The following SHPRH variants were observed in gnomAD, a reference collection of about 807,000 sequenced individuals.
SHPRH encodes SNF2 histone linker PHD RING helicase, also known as E3 ubiquitin-protein ligase SHPRH.
In SHPRH, 106 loss-of-function variants were observed where a neutral mutation model predicts 202.5. The observed-to-expected ratio is 0.52, with a 90% CI of 0.45 to 0.62. SHPRH has a LOEUF of 0.62. SHPRH is among the 20% of genes least tolerant of loss of function. SHPRH has a pLI of 0.00. For synonymous variants in SHPRH, 729 were observed against 686.0 expected, an observed-to-expected ratio of 1.06 and a Z score of -0.98; for missense variants, 1,710 against 2,020.0, an observed-to-expected ratio of 0.85 and a Z score of 2.94.
At chr6:145,915,278 T>A (rs944514726) in intron 23 of SHPRH, among the ~76,000 whole-genome samples, 5 of 151,104 alleles carry the variant, frequency 3.3e-5, no homozygotes, top group Admixed American at 1.3e-4. Flanking sequence ...GCTACTGACA[T>A]ATATTTTAGT....
intron 14 of SHPRH, 93 bp downstream of exon 14, chr6:145,932,964 T>TTTC: frequency 5.2e-6 from 6 of 1,150,334 alleles, no homozygotes; most frequent in Non-Finnish European, 7.2e-6. Flanking sequence ...GGGGGAAAAA[T>TTTC]CCCCCCCCCA....
Position 145,933,066 on chromosome 6 carries a change from T to C in SHPRH, c.3103A>G (p.Ile1035Val), listed in dbSNP as rs990375926. Residue 1035 changes from isoleucine (I) to valine (V), a missense_variant, in exon 14 of 30, where the codon ATT (isoleucine) becomes GTT (valine). By Grantham distance (29) the Ile-to-Val change is conservative. This residue lies in a region of SHPRH where 288 missense variants were observed against 317.8 expected (regional missense o/e 0.91). Coordinates refer to ENST00000275233, the MANE Select transcript of SHPRH (RefSeq NM_001042683.3). ...CALNGLAGIH[I>V]IKGEYALAAE... ...AGCAATCACCTTCTACCTTTAATAA[T>C]ATGAATGCCTGCTAAGCCATTGAGA... The C allele has an allele frequency of 1.9e-6, 3 of 1,613,706 alleles. No individual in the cohort carries two copies. Among genetic ancestry groups the C allele is most frequent in the South Asian group, 1.1e-5 (1 of 91,052 alleles).
chr6:145,951,732 T>G, intron 3 of SHPRH: 1 of 451,026 alleles, frequency 2.2e-6, no homozygotes. Context: ...GAAACTGATT[T>G]TCAAATACTC....
Position 145,918,233 on chromosome 6 carries a change from C to A in SHPRH, c.4153-1G>T. On this transcript the variant is annotated splice_acceptor_variant, in intron 22 of 29. Transcript: ENST00000275233. LOFTEE classifies it high-confidence loss of function. ...GTAGTTTTATTCGGTTTTGTTCTAC[C>A]TAAAGAAAATAAAAATAAAAACTTC... 6.6e-7 allele frequency: 1 copy of A among 1,518,674 alleles called. No homozygotes were observed. Among genetic ancestry groups the A allele is most frequent in the Non-Finnish European group, 8.8e-7 (1 of 1,137,190 alleles). 94.1% of individuals were successfully genotyped at this position (1,518,674 alleles called of 1,614,324 possible).
chr6:145,861,862 T>G (rs1049967090), downstream of SHPRH, among the ~76,000 whole-genome samples: 3 of 152,192 alleles, frequency 2.0e-5, no homozygotes, highest in Non-Finnish European at 4.4e-5. Context: ...TGTGATAATA[T>G]GGATGAACCT....
intron 28 of SHPRH, among the ~76,000 whole-genome samples, chr6:145,892,558 G>A (rs780426303): frequency 6.6e-6 from 1 of 151,672 alleles, no homozygotes; most frequent in Non-Finnish European, 1.5e-5. Flanking sequence ...TATTATGGAT[G>A]TGTTTTTTTT....
At chr6:145,899,048 G>T (rs780423024) in intron 25 of SHPRH, among the ~76,000 whole-genome samples, 1 of 151,890 alleles carries the variant, frequency 6.6e-6, no homozygotes, top group African/African-American at 2.4e-5. Flanking sequence ...TCCTGGCCTC[G>T]AGTGATCCTC....
intron 18 of SHPRH, 41 bp downstream of exon 18, chr6:145,923,602 T>G: frequency 6.3e-7 from 1 of 1,589,926 alleles, no homozygotes; most frequent in Non-Finnish European, 8.5e-7. Flanking sequence ...TTCTTTGCTT[T>G]TAAAATTATG....
chr6:145,862,977 T>A (rs1221940946), downstream of SHPRH, among the ~76,000 whole-genome samples: 1 of 152,180 alleles, frequency 6.6e-6, no homozygotes, highest in African/African-American at 2.4e-5. Context: ...TTATTTTAGT[T>A]GAAAGATTAA....
Position 145,888,000 on chromosome 6 carries a change from T to A in SHPRH, c.4955+20A>T, listed in dbSNP as rs374944754. The A allele has an allele frequency of 6.3e-7, 1 of 1,576,100 alleles. No homozygotes were observed. The highest frequency in any genetic ancestry group is 8.7e-7 in the Non-Finnish European group (1 of 1,146,576). ...ACAGGAAAACCTTCCCCCTTCTACTTGTGGTAAATTATTACCTACCTTCTC... is the reference window on the plus strand; with the variant it reads ...ACAGGAAAACCTTCCCCCTTCTACTAGTGGTAAATTATTACCTACCTTCTC... On this transcript the variant is annotated intron_variant, in intron 29 of 29. Transcript: ENST00000275233.
intron 25 of SHPRH, among the ~76,000 whole-genome samples, chr6:145,902,872 C>G (rs1305272530): frequency 6.6e-6 from 1 of 152,054 alleles, no homozygotes; most frequent in Admixed American, 6.6e-5. Context: ...AAGTCCTCTA[C>G]CTTTTAATGG....
intron 29 of SHPRH, among the ~76,000 whole-genome samples, chr6:145,887,638 C>T (rs1208001202): frequency 1.3e-5 from 2 of 150,196 alleles, no homozygotes; most frequent in Non-Finnish European, 2.9e-5. Flanking sequence ...GGGGTTCAAG[C>T]GATTCTCCTG....
In SHPRH at chr6:145,865,590, G is replaced by A. The variant is rs550782069; in HGVS notation, c.222-1099C>T. 2.0e-5 allele frequency among the ~76,000 whole-genome samples: 3 copies of A among 152,332 alleles called. No homozygotes were observed. In the South Asian group the frequency reaches 6.2e-4, roughly 32 times the overall value. On this transcript the variant is annotated intron_variant, in intron 2 of 2. Coordinates refer to the SHPRH transcript ENST00000417762. ...AGATTCCTGTCAGGATTTAGAAGCAGACGTTTAATTTCCATCACAGTTCAA... is the reference window on the plus strand; with the variant it reads ...AGATTCCTGTCAGGATTTAGAAGCAAACGTTTAATTTCCATCACAGTTCAA...
rs1784114756 is a variant in SHPRH, at chr6:145,918,164, A to G, written c.4221T>C (p.Leu1407=). ...AVATSQLQKK[L]GQLLYLTNLE... The stretch of plus-strand genomic sequence containing the variant: ...AATTAGTTAGGTAAAGAAGCTGCCC[A>G]AGTTTTTTCTGAAGCTGTGATGTAG... The change falls in exon 23 of 30, where the codon CTT becomes CTC. Residue 1407 remains leucine (L), a synonymous_variant. Coordinates refer to ENST00000275233, the MANE Select transcript of SHPRH (RefSeq NM_001042683.3). 6.2e-7 allele frequency: 1 copy of G among 1,607,188 alleles called. No homozygotes were observed. The highest frequency in any genetic ancestry group is 1.3e-5 in the African/African-American group (1 of 74,496).
rs200152590 is a variant in SHPRH at position 145,943,502 on chromosome 6, G to A, written c.1879C>T (p.His627Tyr). Residue 627 changes from histidine to tyrosine, a missense_variant, in exon 9 of 30, where the codon CAT becomes TAT. Physicochemically the swap from His to Tyr is moderately conservative, Grantham distance 83. Coordinates refer to ENST00000275233, the MANE Select transcript of SHPRH (RefSeq NM_001042683.3). ...GATTCAGCACAGTCCTCTGTTTCAT[G>A]TTCTTGGTTGAATTCAGAGATACAT... ...STCISEFNQE[H>Y]ETEDCAESLN... The A allele has an allele frequency of 3.3e-5, 54 of 1,613,894 alleles. No homozygotes were observed. Among genetic ancestry groups the A allele is most frequent in the Non-Finnish European group, 4.2e-5 (50 of 1,179,948 alleles).
intron 25 of SHPRH, 125 bp from the exon 26 acceptor site, chr6:145,895,102 CAT>C (rs1029028171): frequency 1.3e-6 from 1 of 770,486 alleles, no homozygotes; most frequent in African/African-American, 1.8e-5. Context: ...TTATCAGGTG[CAT>C]ATGTGTTTAC....
At chr6:145,881,230 T>C (rs1481520721), downstream of SHPRH, among the ~76,000 whole-genome samples, 1 of 152,200 alleles carries the variant, frequency 6.6e-6, no homozygotes, top group Non-Finnish European at 1.5e-5. Flanking sequence ...TTTGTTGTTG[T>C]TTGTATTAGT....
intron 14 of SHPRH, 25 bp downstream of exon 14, chr6:145,933,032 C>A: frequency 6.2e-7 from 1 of 1,600,730 alleles, no homozygotes; most frequent in Non-Finnish European, 8.5e-7. Flanking sequence ...TTGAAAGAAT[C>A]AGAGATAAAG....
chr6:145,903,558 CA>C (rs1488640227), intron 25 of SHPRH: 1 of 151,826 alleles, frequency 6.6e-6, no homozygotes, highest in Non-Finnish European at 1.5e-5. Context: ...AGAGCCTGAA[CA>C]AAAATATTTA....
Sources: allele counts gnomAD v4.1 joint callset (sites outside exome capture counted in the v4.1 genomes callset), GRCh38; gene constraint gnomAD v4.1.1; regional missense constraint gnomAD v4.1.1; transcripts MANE v1.5; gene names NCBI Gene and HGNC (gene_info 2026-07-23, HGNC 2026-07-21).